Variants in GAREM1 observed in about 807,000 individuals in gnomAD.
GAREM1 encodes GRB2-associated and regulator of MAPK protein 1.
In GAREM1, 26 loss-of-function variants were observed where a neutral mutation model predicts 71.3. That is an observed-to-expected ratio of 0.36 (90% CI 0.27 to 0.51). GAREM1 has a LOEUF of 0.51. Ranked by LOEUF, GAREM1 falls within the 20% of genes least tolerant of loss-of-function variation. The pLI is 0.95. For missense variants in GAREM1, 1,026 were observed against 1,103.1 expected (o/e 0.93, Z 0.99); for synonymous variants, 440 against 433.2 (o/e 1.02, Z -0.20).
intron 2 of GAREM1, among the ~76,000 whole-genome samples, chr18:32,338,436 G>C (rs1174913273): frequency 6.6e-6 from 1 of 152,130 alleles, no homozygotes; most frequent in African/African-American, 2.4e-5. Context: ...CCTAACACTG[G>C]CTCAACCCGT....
chr18:32,379,442 C>A (rs1202495239), intron 2 of GAREM1, among the ~76,000 whole-genome samples: 1 of 126,642 alleles, frequency 7.9e-6, no homozygotes, highest in Non-Finnish European at 1.6e-5. Context: ...TGCCTGTAAT[C>A]CCAGCACTTT....
Position 32,367,907 on chromosome 18 carries a change from G to C in GAREM1, c.262+24988C>G, listed in dbSNP as rs73958406. ...TGGGCAGGGAGAAGGGCGTTCCTGA[G>C]ACAAGGCAGAGTCAAAGAAGACCAT... On this transcript the variant is annotated intron_variant, in intron 2 of 5. Coordinates refer to ENST00000269209, the MANE Select transcript of GAREM1 (RefSeq NM_001242409.2). Among the ~76,000 whole-genome samples, 804 of 152,290 alleles carry C rather than the reference G, an allele frequency of 5.3e-3. 7 individuals are homozygous for C. Among genetic ancestry groups the C allele is most frequent in the African/African-American group, 0.018 (732 of 41,558 alleles).
chr18:32,457,223 G>GT (rs559603295), intron 1 of GAREM1, among the ~76,000 whole-genome samples: 18,510 of 127,164 alleles, frequency 0.15, 1,606 homozygotes, highest in African/African-American at 0.2. Context: ...GAGAGAGAGA[G>GT]AGAGTGTGTG....
intron 1 of GAREM1, among the ~76,000 whole-genome samples, chr18:32,450,549 G>A (rs2048826574): frequency 6.6e-6 from 1 of 152,090 alleles, no homozygotes; most frequent in Non-Finnish European, 1.5e-5. Flanking sequence ...CTTGATTTAT[G>A]ACCATTACAT....
intron 2 of GAREM1, among the ~76,000 whole-genome samples, chr18:32,330,003 T>C (rs193113181): frequency 6.7e-6 from 1 of 150,328 alleles, no homozygotes; most frequent in African/African-American, 2.5e-5. Context: ...ACAACAAAAA[T>C]AGATTTTTGA....
Position 32,470,662 on chromosome 18 carries a change from C to T in GAREM1, c.-234G>A, listed in dbSNP as rs1163232099. Among the ~76,000 whole-genome samples the T allele has an allele frequency of 6.7e-6, 1 of 149,320 alleles. No homozygotes were observed. Among genetic ancestry groups the T allele is most frequent in the Non-Finnish European group, 1.5e-5 (1 of 67,152 alleles). On this transcript the variant is annotated 5_prime_UTR_variant, in exon 1 of 6. Coordinates refer to ENST00000269209, the MANE Select transcript of GAREM1 (RefSeq NM_001242409.2). The surrounding 1 kb of genome is among the most constrained non-coding windows in gnomAD (Gnocchi z 4.4). ...CTGGGGCGCCCCGCGTGCCCTCACG[C>T]CCGGAGAAGACTCAGAGCAGCCGCG...
intron 1 of GAREM1, among the ~76,000 whole-genome samples, chr18:32,450,158 T>C (rs897539272): frequency 6.6e-6 from 1 of 152,210 alleles, no homozygotes; most frequent in African/African-American, 2.4e-5. Context: ...TATTCTAATA[T>C]TCTGAGTACT....
intron 2 of GAREM1, among the ~76,000 whole-genome samples, chr18:32,357,298 G>A (rs1406787855): frequency 2.6e-5 from 4 of 152,182 alleles, no homozygotes; most frequent in Non-Finnish European, 4.4e-5. Context: ...GCAACACAGC[G>A]AGACCCTGTC....
rs1298420676 is a variant in GAREM1, at chr18:32,392,983, G to A, written c.174C>T (p.Cys58=). 6.2e-7 allele frequency: 1 copy of A among 1,613,778 alleles called. No homozygotes were observed. Residue 58 remains cysteine (C), a synonymous_variant, in exon 2 of 6, where the codon TGC becomes TGT. Transcript: ENST00000269209. ...RENDYLLIHS[C]RQWTTITAHS... ...GGGCAGTGATGGTGGTCCACTGGCG[G>A]CAGGAATGAATCAGCAGATAGTCAT... is the stretch of plus-strand genomic sequence containing the variant.
At chr18:32,325,476 T>A (rs1467423172) in intron 2 of GAREM1, among the ~76,000 whole-genome samples, 1 of 151,896 alleles carries the variant, frequency 6.6e-6, no homozygotes, top group East Asian at 1.9e-4. Flanking sequence ...GGGAAAGGAG[T>A]ACATGGGAAA....
chr18:32,406,050 T>A (rs1195215116), intron 1 of GAREM1, among the ~76,000 whole-genome samples: 1 of 152,232 alleles, frequency 6.6e-6, no homozygotes, highest in Non-Finnish European at 1.5e-5. Context: ...TTCTAACTAT[T>A]CTTCATACAC....
chr18:32,370,663 C>T (rs1313229013), intron 2 of GAREM1, among the ~76,000 whole-genome samples: 1 of 152,124 alleles, frequency 6.6e-6, no homozygotes, highest in Non-Finnish European at 1.5e-5. Context: ...TGATTGAGCA[C>T]AATTCTCTTC....
chr18:32,454,308 T>C (rs1156298615), intron 1 of GAREM1, among the ~76,000 whole-genome samples: 4 of 152,120 alleles, frequency 2.6e-5, no homozygotes, highest in Admixed American at 6.5e-5. Flanking sequence ...CAATCATTGT[T>C]TGACAACCAC....
In GAREM1 at chr18:32,310,225, A is replaced by G; in HGVS notation, c.361T>C (p.Tyr121His). ...EVAKAFPERV[Y>H]VMEDITFNVK... ...TTGAATGTGATATCCTCCATGACGT[A>G]CACGCGTTCAGGAAATGCCTTAGCC... is the stretch of plus-strand genomic sequence containing the variant. Residue 121 changes from tyrosine to histidine, a missense_variant, in exon 3 of 6, where the codon TAC (tyrosine) becomes CAC (histidine). Physicochemically the swap from Tyr to His is moderately conservative, Grantham distance 83 (BLOSUM62 2). Transcript: ENST00000269209. 1 of 1,614,204 alleles carries G rather than the reference A, an allele frequency of 6.2e-7. No homozygotes were observed. The highest frequency in any genetic ancestry group is 8.5e-7 in the Non-Finnish European group (1 of 1,180,016).
rs1414216167 is a variant in GAREM1, at chr18:32,470,658, C to A, written c.-230G>T. ...ATGGCTGGGGCGCCCCGCGTGCCCT[C>A]ACGCCCGGAGAAGACTCAGAGCAGC... is the stretch of plus-strand genomic sequence containing the variant. On this transcript the variant is annotated 5_prime_UTR_variant, in exon 1 of 6. It removes the in-frame stop codon of an upstream open reading frame in the 5' UTR. Coordinates refer to ENST00000269209, the MANE Select transcript of GAREM1 (RefSeq NM_001242409.2). The surrounding 1 kb of genome is among the most constrained non-coding windows in gnomAD (Gnocchi z 4.4). 4.0e-5 allele frequency among the ~76,000 whole-genome samples: 6 copies of A among 149,316 alleles called. No individual in the cohort carries two copies. Among genetic ancestry groups the A allele is most frequent in the Non-Finnish European group, 6.0e-5 (4 of 67,156 alleles).
intron 2 of GAREM1, among the ~76,000 whole-genome samples, chr18:32,371,826 T>C (rs953775899): frequency 6.6e-6 from 1 of 151,822 alleles, no homozygotes; most frequent in African/African-American, 2.4e-5. Context: ...CCAAGGAAAA[T>C]GGCACAAGTG....
chr18:32,278,812 T>C (rs1018615605), intron 4 of GAREM1, among the ~76,000 whole-genome samples: 1 of 152,250 alleles, frequency 6.6e-6, no homozygotes, highest in African/African-American at 2.4e-5. Flanking sequence ...CTCTATTTGA[T>C]TAATTACACA....
intron 3 of GAREM1, among the ~76,000 whole-genome samples, chr18:32,309,934 A>G (rs2047298537): frequency 6.6e-6 from 1 of 152,234 alleles, no homozygotes; most frequent in Non-Finnish European, 1.5e-5. Flanking sequence ...TTTAAAAAAT[A>G]TCACTTATAT....
At chr18:32,379,853 T>C (rs974764925) in intron 2 of GAREM1, among the ~76,000 whole-genome samples, 5 of 152,138 alleles carry the variant, frequency 3.3e-5, no homozygotes, top group Non-Finnish European at 2.9e-5. Context: ...TTCAACACCA[T>C]TTAAAAATCA....
Sources: gnomAD v4.1 joint callset for allele counts (sites outside exome capture counted in the v4.1 genomes callset) on GRCh38, gnomAD v4.1.1 for gene constraint, Gnocchi (gnomAD v3.1) non-coding constraint, MANE v1.5 for transcripts, NCBI Gene and HGNC (gene_info 2026-07-23, HGNC 2026-07-21) for gene names.